Variants in ACTG1 observed in about 807,000 individuals in gnomAD.
ACTG1 encodes actin gamma 1, also known as actin, cytoplasmic 2.
ACTG1 carries 14 observed loss-of-function variants against 34.3 expected under a neutral mutation model. That is an observed-to-expected ratio of 0.41 (90% CI 0.27 to 0.64). The LOEUF is 0.64. Ranked by LOEUF, ACTG1 falls within the 30% of genes least tolerant of loss-of-function variation. The pLI, the probability that ACTG1 is intolerant of heterozygous loss-of-function variation, is 0.33. For synonymous variants in ACTG1, 422 were observed against 213.9 expected (o/e 1.97, Z -8.49); for missense variants, 233 against 529.5 (o/e 0.44, Z 5.50).
At position 81,511,286 on chromosome 17, in the gene ACTG1, G is replaced by A. The variant is rs782215250; in HGVS notation, c.704C>T (p.Ser235Phe). The change falls in exon 4 of 6, where the codon TCT becomes TTT. Residue 235 changes from serine (S) to phenylalanine (F), a missense_variant. Ser to Phe is a radical substitution (Grantham distance 155). Coordinates refer to ENST00000573283, the MANE Select transcript of ACTG1 (RefSeq NM_001614.5). ...QEMATAASSSSLEKSYELPDG... is the reference protein window; with the variant it reads ...QEMATAASSSFLEKSYELPDG... Reference sequence around the variant, plus strand: ...GGGCAGCTCGTAGCTCTTCTCCAGAGAAGAGGAGGATGCGGCGGTGGCCAT... The same window carrying A: ...GGGCAGCTCGTAGCTCTTCTCCAGAAAAGAGGAGGATGCGGCGGTGGCCAT... The A allele has an allele frequency of 1.9e-6, 3 of 1,613,866 alleles. No homozygotes were observed. The highest frequency in any genetic ancestry group is 1.7e-6 in the Non-Finnish European group (2 of 1,180,038).
chr17:81,512,445 G>A (rs2031873218), intron 1 of ACTG1, 85 bp from the exon 2 acceptor site: 5 of 1,606,156 alleles, frequency 3.1e-6, no homozygotes, highest in South Asian at 1.1e-5. Context: ...CCGCGGGGAA[G>A]CCTCGGCCCT....
intron 1 of ACTG1, 176 bp downstream of exon 1, chr17:81,512,558 G>A (rs1273195883): frequency 2.3e-5 from 20 of 871,402 alleles, no homozygotes; most frequent in African/African-American, 1.2e-4. Flanking sequence ...CACTGCGGCC[G>A]GGCCCCGCCC....
rs1555667326 is a variant in ACTG1, at chr17:81,512,375, A to T, written c.-6-15T>A. 6.2e-7 allele frequency: 1 copy of T among 1,613,774 alleles called. No homozygotes were observed. The highest frequency in any genetic ancestry group is 8.5e-7 in the Non-Finnish European group (1 of 1,179,928). On this transcript the variant is annotated splice_polypyrimidine_tract_variant and intron_variant, in intron 1 of 5. Transcript: ENST00000573283. ...TCCATTGCGACCTGCCCGGAAAAGG[A>T]TGGACTCAGGCGGGCGCGTCTGTAA... is the stretch of plus-strand genomic sequence containing the variant.
rs2031680666 is a variant in ACTG1, at chr17:81,510,358, C to CAA, written c.*331_*332insTT. On this transcript the variant is annotated 3_prime_UTR_variant, in exon 6 of 6. Coordinates refer to ENST00000573283, the MANE Select transcript of ACTG1 (RefSeq NM_001614.5). ...CACAGATCAGAGGCTGCTGGCCACA[C>CAA]AGACTCACCAAGCCACAGACTTGTC... The CAA allele has an allele frequency of 2.2e-6, 1 of 453,948 alleles. No homozygotes were observed. Among genetic ancestry groups the CAA allele is most frequent in the Non-Finnish European group, 4.2e-6 (1 of 240,546 alleles). The allele number at this position is 453,948 out of a possible 1,614,324, so 28.1% of individuals were successfully genotyped here. A position where few individuals can be genotyped will look rare whatever the true frequency, so the allele number is the denominator to read the frequency against.
rs372364479 is a variant in ACTG1 at position 81,511,191 on chromosome 17, G to A, written c.799C>T (p.Leu267=). The change falls in exon 4 of 6, where the codon CTG becomes TTG. Residue 267 remains leucine, a synonymous_variant. Transcript: ENST00000573283. ...ACCTTTAGCTCACAACACCTACCCA[G>A]GAAGGAAGGCTGGAACAGCGCCTCC... The part of the protein sequence containing the change: ...CPEALFQPSF[L]GMESCGIHET... 26 of 1,613,620 alleles carry A rather than the reference G, an allele frequency of 1.6e-5. No individual in the cohort carries two copies. Among genetic ancestry groups the A allele is most frequent in the East Asian group, 6.7e-5 (3 of 44,898 alleles).
At position 81,510,224 on chromosome 17, in the gene ACTG1, C is replaced by G. The variant is rs1555666066; in HGVS notation, c.*466G>C. The G allele has an allele frequency of 2.0e-6, 1 of 510,498 alleles. No homozygotes were observed. Among genetic ancestry groups the G allele is most frequent in the Non-Finnish European group, 3.6e-6 (1 of 279,742 alleles). 31.6% of individuals were successfully genotyped at this position (510,498 alleles called of 1,614,324 possible). A position where few individuals can be genotyped will look rare whatever the true frequency, so the allele number is the denominator to read the frequency against. ...ATCAGCTAAGAAAGGAAACTGGGTC[C>G]TACGGCTTGGACTTTCCAACCCTGA... On this transcript the variant is annotated 3_prime_UTR_variant, in exon 6 of 6. Transcript: ENST00000573283.
intron 1 of ACTG1, 24 bp from the exon 2 acceptor site, chr17:81,512,384 G>C (rs782257883): frequency 1.2e-6 from 2 of 1,613,800 alleles, no homozygotes; most frequent in Admixed American, 1.7e-5. Flanking sequence ...GATGGACTCA[G>C]GCGGGCGCGT....
In ACTG1 at chr17:81,511,387, G is replaced by T. The variant is rs1476483426; in HGVS notation, c.603C>A (p.Thr201=). The T allele has an allele frequency of 6.2e-7, 1 of 1,613,866 alleles. No individual in the cohort carries two copies. Residue 201 remains threonine (T), a synonymous_variant, in exon 4 of 6, where the codon ACC becomes ACA. Coordinates refer to ENST00000573283, the MANE Select transcript of ACTG1 (RefSeq NM_001614.5). ...KILTERGYSF[T]TTAEREIVRD... is the part of the protein sequence containing the mutation. ...GCACGATTTCCCGCTCGGCCGTGGT[G>T]GTGAAGCTGTAGCCTCGCTCAGTGA...
chr17:81,512,102 C>A lies in ACTG1; in HGVS notation c.164G>T (p.Gly55Val). 1 of 1,613,834 alleles carries A rather than the reference C, an allele frequency of 6.2e-7. No homozygotes were observed. The highest frequency in any genetic ancestry group is 8.5e-7 in the Non-Finnish European group (1 of 1,180,034). Residue 55 changes from glycine to valine, a missense_variant, in exon 3 of 6, where the codon GGC becomes GTC. Transcript: ENST00000573283. ...VGMGQKDSYV[G>V]DEAQSKRGIL... ...GCCACGCTTGCTCTGGGCCTCGTCG[C>A]CCACGTAGGAGTCCTTCTGGCCCAT...
chr17:81,510,715 G>A lies in ACTG1; in HGVS notation c.1103C>T (p.Ser368Phe), dbSNP rs1555666360. 6.2e-7 allele frequency: 1 copy of A among 1,614,058 alleles called. No individual in the cohort carries two copies. The highest frequency in any genetic ancestry group is 8.5e-7 in the Non-Finnish European group (1 of 1,180,010). ...TTAGAAGCATTTGCGGTGGACGATG[G>A]AGGGGCCCGACTCGTCGTACTCCTG... ...SKQEYDESGP[S>F]IVHRKCF The change falls in exon 6 of 6, where the codon TCC (serine) becomes TTC (phenylalanine). Residue 368 changes from serine (S) to phenylalanine (F), a missense_variant. Physicochemically the swap from Ser to Phe is radical, Grantham distance 155 (BLOSUM62 -2). Transcript: ENST00000573283.
rs200552253 is a variant in ACTG1, at chr17:81,511,636, G to C, written c.364-10C>G. 6.2e-7 allele frequency: 1 copy of C among 1,611,854 alleles called. No individual in the cohort carries two copies. Among genetic ancestry groups the C allele is most frequent in the Non-Finnish European group, 8.5e-7 (1 of 1,179,128 alleles). ...AGGTCTCAAACATAATCTGAGAAGG[G>C]ACAAGGGGCGGCTTAGTCAGGGACA... is the stretch of plus-strand genomic sequence containing the variant. On this transcript the variant is annotated splice_polypyrimidine_tract_variant and intron_variant, in intron 3 of 5. Coordinates refer to ENST00000573283, the MANE Select transcript of ACTG1 (RefSeq NM_001614.5).
rs1555666658 is a variant in ACTG1, at chr17:81,511,295, G to A, written c.695C>T (p.Ser232Phe). Residue 232 changes from serine (S) to phenylalanine (F), a missense_variant, in exon 4 of 6, where the codon TCC (serine) becomes TTC (phenylalanine). Transcript: ENST00000573283. ...DFEQEMATAA[S>F]SSSLEKSYEL... Reference sequence around the variant, plus strand: ...GTAGCTCTTCTCCAGAGAAGAGGAGGATGCGGCGGTGGCCATCTCCTGCTC... The same window carrying A: ...GTAGCTCTTCTCCAGAGAAGAGGAGAATGCGGCGGTGGCCATCTCCTGCTC... The A allele has an allele frequency of 5.6e-6, 9 of 1,613,838 alleles. No homozygotes were observed. The highest frequency in any genetic ancestry group is 1.1e-5 in the South Asian group (1 of 91,092).
Position 81,511,279 on chromosome 17 carries a change from C to T in ACTG1, c.711G>A (p.Glu237=). ...GGCCATCGGGCAGCTCGTAGCTCTT[C>T]TCCAGAGAAGAGGAGGATGCGGCGG... ...MATAASSSSL[E]KSYELPDGQV... Residue 237 remains glutamate, a synonymous_variant, in exon 4 of 6, where the codon GAG becomes GAA. Transcript: ENST00000573283. 1 of 1,613,862 alleles carries T rather than the reference C, an allele frequency of 6.2e-7. No homozygotes were observed. Among genetic ancestry groups the T allele is most frequent in the East Asian group, 2.2e-5 (1 of 44,886 alleles).
In ACTG1 at chr17:81,511,510, G is replaced by T. The variant is rs1598548907; in HGVS notation, c.480C>A (p.Thr160=). Residue 160 remains threonine (T), a synonymous_variant, in exon 4 of 6, where the codon ACC becomes ACA. Transcript: ENST00000573283. ...GIVMDSGDGV[T]HTVPIYEGYA... The stretch of plus-strand genomic sequence containing the variant: ...AGCCCTCGTAGATGGGCACCGTGTG[G>T]GTGACCCCGTCTCCAGAGTCCATGA... 6.2e-7 allele frequency: 1 copy of T among 1,613,854 alleles called. No individual in the cohort carries two copies. The highest frequency in any genetic ancestry group is 1.1e-5 in the South Asian group (1 of 91,082).
Position 81,511,047 on chromosome 17 carries a change from G to A in ACTG1, c.864C>T (p.Asp288=), listed in dbSNP as rs539756471. ...TGTTGGCGTACAGGTCTTTGCGGAT[G>A]TCCACGTCACACTTCATGATGGAGT... ...TFNSIMKCDV[D]IRKDLYANTV... The change falls in exon 5 of 6, where the codon GAC becomes GAT. Residue 288 remains aspartate, a synonymous_variant. Coordinates refer to ENST00000573283, the MANE Select transcript of ACTG1 (RefSeq NM_001614.5). The A allele has an allele frequency of 1.2e-5, 20 of 1,614,070 alleles. No individual in the cohort carries two copies. The Admixed American group carries it at 2.3e-4, about 19-fold the overall frequency.
rs782588373 is a variant in ACTG1, at chr17:81,511,423, G to A, written c.567C>T (p.Leu189=). Residue 189 remains leucine (L), a synonymous_variant, in exon 4 of 6, where the codon CTC becomes CTT. Coordinates refer to ENST00000573283, the MANE Select transcript of ACTG1 (RefSeq NM_001614.5). ...AGCCTCGCTCAGTGAGGATCTTCAT[G>A]AGGTAGTCGGTCAGGTCCCGGCCAG... ...DLAGRDLTDY[L]MKILTERGYS... is the part of the protein sequence containing the mutation. 20 of 1,613,824 alleles carry A rather than the reference G, an allele frequency of 1.2e-5. No individual in the cohort carries two copies. In the Admixed American group the frequency reaches 3.0e-4, roughly 24 times the overall value.
At chr17:81,512,498 TG>T in intron 1 of ACTG1, 138 bp from the exon 2 acceptor site, 1 of 1,418,164 alleles carries the variant, frequency 7.1e-7, no homozygotes, top group Non-Finnish European at 9.8e-7. Flanking sequence ...CGCAACCGCC[TG>T]GAACCGAAGG....
Position 81,512,112 on chromosome 17 carries a change from A to C in ACTG1, c.154T>G (p.Ser52Ala). 6.2e-7 allele frequency: 1 copy of C among 1,613,752 alleles called. No individual in the cohort carries two copies. The highest frequency in any genetic ancestry group is 8.5e-7 in the Non-Finnish European group (1 of 1,180,018). The change falls in exon 3 of 6, where the codon TCC (serine) becomes GCC (alanine). Residue 52 changes from serine to alanine, a missense_variant. By Grantham distance (99) the Ser-to-Ala change is moderately conservative. Transcript: ENST00000573283. Reference sequence around the variant, plus strand: ...CTCTGGGCCTCGTCGCCCACGTAGGAGTCCTTCTGGCCCATGCCCACCATG... The same window carrying C: ...CTCTGGGCCTCGTCGCCCACGTAGGCGTCCTTCTGGCCCATGCCCACCATG... ...GVMVGMGQKDSYVGDEAQSKR... is the reference protein window; with the variant it reads ...GVMVGMGQKDAYVGDEAQSKR...
Position 81,510,547 on chromosome 17 carries a change from C to T in ACTG1, c.*143G>A, listed in dbSNP as rs550984799. ...AAGTTCTACAATCCAGTGCTGATATCAGATACAAGCTTCAAGGACAATTTC... is the reference window on the plus strand; with the variant it reads ...AAGTTCTACAATCCAGTGCTGATATTAGATACAAGCTTCAAGGACAATTTC... On this transcript the variant is annotated 3_prime_UTR_variant, in exon 6 of 6. Coordinates refer to ENST00000573283, the MANE Select transcript of ACTG1 (RefSeq NM_001614.5). 1.3e-5 allele frequency: 14 copies of T among 1,046,452 alleles called. No homozygotes were observed. Among genetic ancestry groups the T allele is most frequent in the Admixed American group, 1.9e-5 (1 of 52,488 alleles). 64.8% of individuals were successfully genotyped at this position (1,046,452 alleles called of 1,614,324 possible).
Sources: allele counts gnomAD v4.1 joint callset, GRCh38; gene constraint gnomAD v4.1.1; transcripts MANE v1.5; gene names NCBI Gene and HGNC (gene_info 2026-07-23, HGNC 2026-07-21).